RPS6KC1: variants seen among roughly 807,000 people sequenced by gnomAD.
RPS6KC1 encodes the protein ribosomal protein S6 kinase C1.
RPS6KC1 carries 54 observed loss-of-function variants against 103.8 expected under a neutral mutation model. The observed-to-expected ratio is 0.52, with a 90% confidence interval of 0.42 to 0.65. The LOEUF is 0.65. Ranked by LOEUF, RPS6KC1 falls within the 30% of genes least tolerant of loss-of-function variation. RPS6KC1 has a pLI of 0.00. For missense variants in RPS6KC1, 1,151 were observed against 1,253.8 expected (o/e 0.92, Z 1.24); for synonymous variants, 439 against 438.7 (o/e 1.00, Z -0.01).
chr1:213,633,318 A>G, the RPS6KC1 span, among the ~76,000 whole-genome samples: 5 of 152,210 alleles, frequency 3.3e-5, no homozygotes, highest in African/African-American at 4.8e-5. Context: ...GTTACCCACA[A>G]AGGCAAGCCC....
chr1:213,233,237 T>C (rs766554430), intron 10 of RPS6KC1, among the ~76,000 whole-genome samples: 1 of 152,132 alleles, frequency 6.6e-6, no homozygotes, highest in Non-Finnish European at 1.5e-5. Context: ...CAGTATTTAA[T>C]AGGAAATTCA....
chr1:213,428,466 C>CA, the RPS6KC1 span, among the ~76,000 whole-genome samples: 1 of 42,904 alleles, frequency 2.3e-5, no homozygotes, highest in African/African-American at 9.8e-5. Context: ...TCCTTCTTTC[C>CA]TCCCTCCCTC....
chr1:213,166,348 G>A (rs1044732030), intron 6 of RPS6KC1, among the ~76,000 whole-genome samples: 2 of 152,044 alleles, frequency 1.3e-5, no homozygotes, highest in East Asian at 1.9e-4. Context: ...CTAAACCAAA[G>A]GACTAGTATT....
the RPS6KC1 span, among the ~76,000 whole-genome samples, chr1:213,575,505 A>G: frequency 7.1e-4 from 108 of 152,218 alleles, no homozygotes; most frequent in African/African-American, 2.5e-3. Context: ...TTCTCTTGAG[A>G]TCTGATGGTT....
the RPS6KC1 span, among the ~76,000 whole-genome samples, chr1:213,586,823 C>T: frequency 6.6e-6 from 1 of 152,222 alleles, no homozygotes; most frequent in African/African-American, 2.4e-5. Context: ...GGTCCAGTCT[C>T]TGCTCCCAGC....
chr1:213,606,202 A>G, the RPS6KC1 span, among the ~76,000 whole-genome samples: 14 of 152,326 alleles, frequency 9.2e-5, no homozygotes, highest in African/African-American at 3.4e-4. Context: ...AAGAAATATC[A>G]TGGAAGCCAT....
chr1:213,172,552 G>A (rs904691291), intron 7 of RPS6KC1, among the ~76,000 whole-genome samples: 1 of 152,230 alleles, frequency 6.6e-6, no homozygotes, highest in African/African-American at 2.4e-5. Flanking sequence ...GATCGAGCTT[G>A]CAGTGAGCCG....
intron 5 of RPS6KC1, among the ~76,000 whole-genome samples, chr1:213,129,086 G>A (rs2148989970): frequency 6.6e-6 from 1 of 152,274 alleles, no homozygotes; most frequent in Non-Finnish European, 1.5e-5. Flanking sequence ...GAGCCCACGA[G>A]TTGGAGTGCA....
the RPS6KC1 span, among the ~76,000 whole-genome samples, chr1:213,742,325 C>T: frequency 6.6e-6 from 1 of 152,146 alleles, no homozygotes; most frequent in Non-Finnish European, 1.5e-5. Context: ...CTCTGGTCGG[C>T]TAATGTGGAG....
At chr1:213,570,861 G>A in the RPS6KC1 span, among the ~76,000 whole-genome samples, 1 of 152,024 alleles carries the variant, frequency 6.6e-6, no homozygotes. Context: ...AACCAGAAGG[G>A]GCAGACCAAA....
the RPS6KC1 span, among the ~76,000 whole-genome samples, chr1:213,782,865 T>G: frequency 6.6e-6 from 1 of 152,202 alleles, no homozygotes; most frequent in Non-Finnish European, 1.5e-5. Context: ...CTTGCAGCCC[T>G]GAAGGCCACA....
intron 8 of RPS6KC1, among the ~76,000 whole-genome samples, chr1:213,207,072 G>A (rs2093370977): frequency 6.6e-6 from 1 of 152,150 alleles, no homozygotes; most frequent in Non-Finnish European, 1.5e-5. Flanking sequence ...TCACAACACT[G>A]CAATCCAGCC....
the RPS6KC1 span, among the ~76,000 whole-genome samples, chr1:213,281,179 A>G: frequency 5.3e-5 from 8 of 152,194 alleles, no homozygotes; most frequent in Admixed American, 2.0e-4. Flanking sequence ...TATTTCCCCC[A>G]TCTTCAGACT....
At chr1:213,559,884 G>A in the RPS6KC1 span, among the ~76,000 whole-genome samples, 1 of 152,024 alleles carries the variant, frequency 6.6e-6, no homozygotes, top group Admixed American at 6.6e-5. Context: ...TTAATGAGAT[G>A]TTTTACATAC....
the RPS6KC1 span, among the ~76,000 whole-genome samples, chr1:213,301,002 T>C: frequency 2.0e-5 from 3 of 152,110 alleles, no homozygotes; most frequent in Non-Finnish European, 4.4e-5. Flanking sequence ...CTGAAGAAGG[T>C]CCCTGAGCCT....
intron 8 of RPS6KC1, among the ~76,000 whole-genome samples, chr1:213,178,687 A>G (rs2092057205): frequency 6.6e-6 from 1 of 152,124 alleles, no homozygotes; most frequent in Admixed American, 6.5e-5. Context: ...TAGCTGGGAA[A>G]AATGTTTGGT....
chr1:213,834,782 G>A, the RPS6KC1 span, among the ~76,000 whole-genome samples: 1 of 151,956 alleles, frequency 6.6e-6, no homozygotes, highest in Non-Finnish European at 1.5e-5. Context: ...ATCTCTGCAG[G>A]CTTTCTGAAG....
chr1:213,601,856 T>G, the RPS6KC1 span, among the ~76,000 whole-genome samples: 1 of 151,942 alleles, frequency 6.6e-6, no homozygotes, highest in Non-Finnish European at 1.5e-5. Flanking sequence ...ATTATTCTTT[T>G]TTTCCTTCAT....
chr1:213,295,763 T>G, the RPS6KC1 span, among the ~76,000 whole-genome samples: 2 of 151,970 alleles, frequency 1.3e-5, no homozygotes, highest in Non-Finnish European at 1.5e-5. Flanking sequence ...TATTGTCCAG[T>G]GAGAGGGATG....
Sources: gnomAD v4.1 joint callset for allele counts (sites outside exome capture counted in the v4.1 genomes callset) on GRCh38, gnomAD v4.1.1 for gene constraint, MANE v1.5 for transcripts, NCBI Gene and HGNC (gene_info 2026-07-23, HGNC 2026-07-21) for gene names.